The following ADAM18 variants were observed in gnomAD, a reference collection of about 807,000 sequenced individuals.
ADAM18 encodes the protein ADAM metallopeptidase domain 18.
Under a neutral mutation model 94.4 loss-of-function variants are expected in ADAM18, and 117 were observed. The observed-to-expected ratio is 1.24, with a 90% CI of 1.07 to 1.45. The LOEUF is 1.45. Among genes scored for constraint, ADAM18 ranks in the 40% most tolerant of loss-of-function variants. The pLI is 0.00. For missense variants in ADAM18, 936 were observed against 880.0 expected, an observed-to-expected ratio of 1.06 and a Z score of -0.81; for synonymous variants, 327 against 291.6, an observed-to-expected ratio of 1.12 and a Z score of -1.24.
chr8:39,679,080 C>T (rs994857722), intron 15 of ADAM18, among the ~76,000 whole-genome samples: 4 of 152,038 alleles, frequency 2.6e-5, no homozygotes, highest in Non-Finnish European at 2.9e-5. Context: ...AAAAGTTATG[C>T]TGGAGGGAAG....
chr8:39,648,998 T>C (rs550333970), intron 12 of ADAM18, among the ~76,000 whole-genome samples: 1 of 152,216 alleles, frequency 6.6e-6, no homozygotes, highest in Admixed American at 6.5e-5. Context: ...TTTTATTTAT[T>C]CATTTTAAAA....
At chr8:39,722,520 C>T (rs1253846118) in intron 18 of ADAM18, among the ~76,000 whole-genome samples, 1 of 150,680 alleles carries the variant, frequency 6.6e-6, no homozygotes, top group Non-Finnish European at 1.5e-5. Context: ...CTGGGGACTC[C>T]AAAACATTGG....
chr8:39,637,272 T>C lies in ADAM18; in HGVS notation c.597T>C (p.Tyr199=). The change falls in exon 8 of 20, where the codon TAT becomes TAC. Residue 199 remains tyrosine, a synonymous_variant. Coordinates refer to ENST00000265707, the MANE Select transcript of ADAM18 (RefSeq NM_014237.3). ...TAAAATTTCTTTTTCAGTATGATTA[T>C]ATGGGATCTGAAATGATGGCTGTAA... The part of the protein sequence containing the change: ...YIIVEKALYD[Y]MGSEMMAVTQ... 6.2e-7 allele frequency: 1 copy of C among 1,603,156 alleles called. No homozygotes were observed.
At chr8:39,591,746 C>T (rs1818575534) in intron 2 of ADAM18, among the ~76,000 whole-genome samples, 1 of 152,196 alleles carries the variant, frequency 6.6e-6, no homozygotes, top group Non-Finnish European at 1.5e-5. Flanking sequence ...GTCTTAATGA[C>T]ATGTAGAATG....
At chr8:39,717,420 T>G (rs1009148174) in intron 18 of ADAM18, among the ~76,000 whole-genome samples, 3 of 151,914 alleles carry the variant, frequency 2.0e-5, no homozygotes, top group Non-Finnish European at 4.4e-5. Context: ...CTTTGCCAAC[T>G]AGTTTTATAA....
At position 39,661,154 on chromosome 8, in the gene ADAM18, C is replaced by CTTTTTTT. The variant is rs34697066; in HGVS notation, c.1231-2629_1231-2623dup. 8.6e-5 allele frequency among the ~76,000 whole-genome samples: 10 copies of CTTTTTTT among 116,766 alleles called. 1 individual carries two copies. The highest frequency in any genetic ancestry group is 9.9e-5 in the African/African-American group (3 of 30,398). 76.6% of individuals were successfully genotyped at this position (116,766 alleles called of 152,430 possible). ...CAAAAAACAACTGTTTCTTCTTCTT[C>CTTTTTTT]TTTTTTTTTTTTTTTTTTGAGGGAG... is the stretch of plus-strand genomic sequence containing the variant. On this transcript the variant is annotated intron_variant, in intron 12 of 19. Coordinates refer to ENST00000265707, the MANE Select transcript of ADAM18 (RefSeq NM_014237.3).
intron 6 of ADAM18, among the ~76,000 whole-genome samples, chr8:39,628,929 A>G (rs1406945427): frequency 6.6e-6 from 1 of 152,086 alleles, no homozygotes; most frequent in Non-Finnish European, 1.5e-5. Context: ...TCAATTATTA[A>G]TAGACAAATC....
intron 1 of ADAM18, 69 bp from the exon 2 acceptor site, chr8:39,585,207 A>AC (rs1818363050): frequency 7.8e-7 from 1 of 1,279,860 alleles, no homozygotes; most frequent in Admixed American, 1.8e-5. Flanking sequence ...CGGGATAAGA[A>AC]CCCGTGCTTG....
chr8:39,631,732 C>T (rs1425822796), intron 7 of ADAM18, among the ~76,000 whole-genome samples: 4 of 151,984 alleles, frequency 2.6e-5, no homozygotes, highest in African/African-American at 9.7e-5. Flanking sequence ...TTTGGAATTA[C>T]ATTGAATGGT....
chr8:39,618,660 G>T (rs966991419), intron 6 of ADAM18, among the ~76,000 whole-genome samples: 3 of 152,150 alleles, frequency 2.0e-5, no homozygotes, highest in Non-Finnish European at 4.4e-5. Context: ...TAACCCTAAA[G>T]AGGCCTAGAA....
At chr8:39,696,059 T>A (rs1821917401) in intron 17 of ADAM18, among the ~76,000 whole-genome samples, 1 of 151,358 alleles carries the variant, frequency 6.6e-6, no homozygotes, top group South Asian at 2.1e-4. Flanking sequence ...CTGCCCAATA[T>A]TTATTTTTAT....
chr8:39,672,594 A>G (rs910968646), intron 14 of ADAM18, among the ~76,000 whole-genome samples: 1 of 152,174 alleles, frequency 6.6e-6, no homozygotes, highest in Non-Finnish European at 1.5e-5. Context: ...TGTCTCAGTA[A>G]ATATCGCAAT....
chr8:39,614,719 T>C (rs1819386211), intron 6 of ADAM18, among the ~76,000 whole-genome samples: 1 of 152,142 alleles, frequency 6.6e-6, no homozygotes, highest in African/African-American at 2.4e-5. Flanking sequence ...AGGGACCCAT[T>C]TCACATTCAG....
chr8:39,588,904 A>T (rs142683975), intron 2 of ADAM18, among the ~76,000 whole-genome samples: 1 of 152,162 alleles, frequency 6.6e-6, no homozygotes, highest in African/African-American at 2.4e-5. Flanking sequence ...TGGTTTAGAT[A>T]TGGTCAGGAA....
chr8:39,692,941 A>ACTT (rs1411797877), intron 17 of ADAM18, among the ~76,000 whole-genome samples: 1 of 151,694 alleles, frequency 6.6e-6, no homozygotes, highest in Non-Finnish European at 1.5e-5. Flanking sequence ...ATGCATTTTT[A>ACTT]CTTATATCAT....
chr8:39,608,044 C>T (rs1378494629), intron 3 of ADAM18, among the ~76,000 whole-genome samples: 2 of 151,914 alleles, frequency 1.3e-5, no homozygotes, highest in African/African-American at 4.8e-5. Context: ...TTGTCTTTCT[C>T]ACAGTCATGT....
chr8:39,669,763 C>T (rs1304247687), intron 14 of ADAM18, among the ~76,000 whole-genome samples: 1 of 151,996 alleles, frequency 6.6e-6, no homozygotes, highest in African/African-American at 2.4e-5. Flanking sequence ...TGAATAGTGC[C>T]ACTATAAACA....
intron 6 of ADAM18, 21 bp downstream of exon 6, chr8:39,610,727 G>A (rs376919508): frequency 1.5e-4 from 241 of 1,607,740 alleles, no homozygotes; most frequent in Non-Finnish European, 2.0e-4. Flanking sequence ...TCATTCTGAT[G>A]TTATGACATA....
At position 39,610,595 on chromosome 8, in the gene ADAM18, G is replaced by A. The variant is rs1233937610; in HGVS notation, c.411G>A (p.Glu137=). 6.2e-7 allele frequency: 1 copy of A among 1,612,446 alleles called. No homozygotes were observed. Among genetic ancestry groups the A allele is most frequent in the Non-Finnish European group, 8.5e-7 (1 of 1,178,962 alleles). Residue 137 remains glutamate, a synonymous_variant, in exon 6 of 20, where the codon GAG becomes GAA. Transcript: ENST00000265707. Reference sequence around the variant, plus strand: ...CAGTAGAATCTTCAGCAAGATTTGAGCATATAATTTATCAAATGAAAAATA... The same window carrying A: ...CAGTAGAATCTTCAGCAAGATTTGAACATATAATTTATCAAATGAAAAATA... ...IEPVESSARF[E]HIIYQMKNND... is the part of the protein sequence containing the mutation.
Sources: gnomAD v4.1 joint callset for allele counts (sites outside exome capture counted in the v4.1 genomes callset) on GRCh38, gnomAD v4.1.1 for gene constraint, MANE v1.5 for transcripts, NCBI Gene and HGNC (gene_info 2026-07-23, HGNC 2026-07-21) for gene names.